KCNT2: variants seen among roughly 807,000 people sequenced by gnomAD.
KCNT2 encodes potassium sodium-activated channel subfamily T member 2, also known as potassium channel subfamily T member 2.
KCNT2 carries 67 observed loss-of-function variants against 153.8 expected under a neutral mutation model. The ratio of observed to expected loss-of-function variants is 0.44; its 90% CI spans 0.36 to 0.53. The LOEUF (loss-of-function observed/expected upper bound fraction) is 0.53, where lower values mean the gene tolerates loss of function less well. Among genes scored for constraint, KCNT2 ranks in the 20% least tolerant of loss-of-function variants. The pLI is 0.00. For synonymous variants in KCNT2, 500 were observed against 458.8 expected, an observed-to-expected ratio of 1.09 and a Z score of -1.15; for missense variants, 975 against 1,354.8, an observed-to-expected ratio of 0.72 and a Z score of 4.40.
chr1:196,496,885 G>A (rs1395246141), intron 1 of KCNT2, among the ~76,000 whole-genome samples: 4 of 152,260 alleles, frequency 2.6e-5, no homozygotes, highest in Admixed American at 1.3e-4. Context: ...GAAAACCCAC[G>A]CAGACATGGA....
At chr1:196,229,704 C>T (rs867849334) in intron 27 of KCNT2, among the ~76,000 whole-genome samples, 2 of 152,194 alleles carry the variant, frequency 1.3e-5, no homozygotes, top group Non-Finnish European at 2.9e-5. Context: ...AGTGCTACTC[C>T]AGTGAATACA....
At chr1:196,533,972 C>T (rs866596620) in intron 1 of KCNT2, among the ~76,000 whole-genome samples, 11 of 152,020 alleles carry the variant, frequency 7.2e-5, no homozygotes, top group Middle Eastern at 3.4e-3. Flanking sequence ...ATGGTCAGCT[C>T]CAAAGGTAAT....
At chr1:196,463,391 A>T (rs1000836712) in intron 8 of KCNT2, among the ~76,000 whole-genome samples, 1 of 151,842 alleles carries the variant, frequency 6.6e-6, no homozygotes, top group African/African-American at 2.4e-5. Flanking sequence ...TGCAGAGAAG[A>T]ATACACAAAG....
At chr1:196,230,420 A>G (rs923330448) in intron 27 of KCNT2, among the ~76,000 whole-genome samples, 5 of 152,050 alleles carry the variant, frequency 3.3e-5, no homozygotes, top group South Asian at 4.1e-4. Flanking sequence ...CTGCCCCTTG[A>G]TAAGGCACCT....
At chr1:196,605,991 C>T (rs1441324967) in intron 1 of KCNT2, among the ~76,000 whole-genome samples, 1 of 151,990 alleles carries the variant, frequency 6.6e-6, no homozygotes. Context: ...ATATAATATC[C>T]AAGACACGTA....
At chr1:196,360,664 A>T (rs963428376) in intron 14 of KCNT2, among the ~76,000 whole-genome samples, 1 of 152,120 alleles carries the variant, frequency 6.6e-6, no homozygotes, top group African/African-American at 2.4e-5. Flanking sequence ...CACAAAAGAC[A>T]TCAGGAATGT....
rs764661135 is a variant in KCNT2, at chr1:196,305,301, G to A, written c.2528C>T (p.Ala843Val). 6.2e-7 allele frequency: 1 copy of A among 1,612,754 alleles called. No individual in the cohort carries two copies. The highest frequency in any genetic ancestry group is 8.5e-7 in the Non-Finnish European group (1 of 1,179,134). The part of the protein sequence containing the change: ...LSIITELTHP[A>V]NMRFMQFRAK... ...TCTGAATTGCATGAATCTCATGTTG[G>A]CGGGGTGAGTTAGCTCTGTGATAAT... Residue 843 changes from alanine to valine, a missense_variant, in exon 22 of 28, where the codon GCC (alanine) becomes GTC (valine). Coordinates refer to ENST00000294725, the MANE Select transcript of KCNT2 (RefSeq NM_198503.5).
intron 1 of KCNT2, among the ~76,000 whole-genome samples, chr1:196,541,677 T>C (rs1656391510): frequency 6.6e-6 from 1 of 152,170 alleles, no homozygotes; most frequent in Admixed American, 6.5e-5. Flanking sequence ...ACAAGCAGGA[T>C]ATTTTATATT....
intron 21 of KCNT2, among the ~76,000 whole-genome samples, chr1:196,310,469 C>T (rs1662056094): frequency 6.6e-6 from 1 of 151,762 alleles, no homozygotes; most frequent in African/African-American, 2.4e-5. Flanking sequence ...TCCATGTAAA[C>T]CATCACCAAT....
intron 1 of KCNT2, among the ~76,000 whole-genome samples, chr1:196,502,838 C>A (rs1368007932): frequency 6.6e-6 from 1 of 151,912 alleles, no homozygotes; most frequent in Non-Finnish European, 1.5e-5. Context: ...ATCCAAGCAA[C>A]CCCAATTTGA....
intron 14 of KCNT2, among the ~76,000 whole-genome samples, chr1:196,359,533 A>C (rs776612868): frequency 2.0e-5 from 3 of 152,032 alleles, no homozygotes; most frequent in Non-Finnish European, 4.4e-5. Flanking sequence ...TTATTTAACT[A>C]ATATTTGTTG....
At chr1:196,556,801 A>G (rs937431258) in intron 1 of KCNT2, among the ~76,000 whole-genome samples, 7 of 151,642 alleles carry the variant, frequency 4.6e-5, no homozygotes, top group African/African-American at 1.7e-4. Context: ...TTTAACCATA[A>G]AAAAGAATAT....
chr1:196,472,175 T>G (rs1051133621), intron 5 of KCNT2, among the ~76,000 whole-genome samples: 4 of 152,206 alleles, frequency 2.6e-5, no homozygotes, highest in Non-Finnish European at 5.9e-5. Flanking sequence ...GGGGCTCAAT[T>G]AATATCACGA....
At chr1:196,358,605 T>C (rs1667368476) in intron 14 of KCNT2, among the ~76,000 whole-genome samples, 1 of 152,000 alleles carries the variant, frequency 6.6e-6, no homozygotes, top group Non-Finnish European at 1.5e-5. Flanking sequence ...CTCTTTTTAA[T>C]GTACTTTGTT....
chr1:196,340,569 ACCTT>A lies in KCNT2; in HGVS notation c.1554-3_1554del. On this transcript the variant is annotated splice_acceptor_variant and splice_polypyrimidine_tract_variant and coding_sequence_variant and intron_variant, in exon 16 of 28. Transcript: ENST00000294725. LOFTEE classifies it high-confidence loss of function. ...CTAACACCAATCAAGCAGACGCCAA[ACCTT>A]AATTTAAAAAAAAAGAGAGTTTGTA... The A allele has an allele frequency of 6.6e-7, 1 of 1,517,388 alleles. No individual in the cohort carries two copies. The highest frequency in any genetic ancestry group is 8.8e-7 in the Non-Finnish European group (1 of 1,130,706). 94.0% of individuals were successfully genotyped at this position (1,517,388 alleles called of 1,614,324 possible).
chr1:196,327,736 C>T (rs1302214565), intron 18 of KCNT2, among the ~76,000 whole-genome samples: 2 of 145,578 alleles, frequency 1.4e-5, no homozygotes, highest in Non-Finnish European at 3.0e-5. Context: ...GTGCAATCAT[C>T]GCTCACTGAA....
At position 196,373,233 on chromosome 1, in the gene KCNT2, T is replaced by A; in HGVS notation, c.1310A>T (p.Glu437Val). 6.7e-7 allele frequency: 1 copy of A among 1,497,958 alleles called. No individual in the cohort carries two copies. The highest frequency in any genetic ancestry group is 9.3e-7 in the Non-Finnish European group (1 of 1,075,640). The allele number at this position is 1,497,958 out of a possible 1,614,324, so 92.8% of individuals were successfully genotyped here. The change falls in exon 14 of 28, where the codon GAA becomes GTA. Residue 437 changes from glutamate to valine, a missense_variant. Transcript: ENST00000294725. ...HIKFADHVVC[E>V]EEFKYAMLAL... ...TAACATGGCGTATTTAAACTCTTCT[T>A]CACAAACAACATGATCTGTTTGAAA...
chr1:196,331,785 G>A (rs576706954), intron 17 of KCNT2, among the ~76,000 whole-genome samples: 3 of 152,138 alleles, frequency 2.0e-5, no homozygotes, highest in African/African-American at 7.2e-5. Context: ...AAGGCAAAAT[G>A]CATTATTATG....
intron 8 of KCNT2, among the ~76,000 whole-genome samples, chr1:196,437,160 G>A (rs184081185): frequency 0.098 from 2,595 of 26,518 alleles, 108 homozygotes; most frequent in African/African-American, 0.2. Context: ...TTTAGGCAGG[G>A]GATATATGAT....
Sources: gnomAD v4.1 joint callset for allele counts (sites outside exome capture counted in the v4.1 genomes callset) on GRCh38, gnomAD v4.1.1 for gene constraint, MANE v1.5 for transcripts, NCBI Gene and HGNC (gene_info 2026-07-23, HGNC 2026-07-21) for gene names.